MTMR6: variants seen among roughly 807,000 people sequenced by gnomAD.
The protein encoded by MTMR6 is myotubularin related protein 6, also known as phosphatidylinositol-3,5-bisphosphate 3-phosphatase MTMR6.
MTMR6 carries 47 observed loss-of-function variants against 80.1 expected under a neutral mutation model. The observed-to-expected ratio is 0.59, with a 90% CI of 0.46 to 0.75. MTMR6 has a LOEUF of 0.75. Ranked by LOEUF, MTMR6 falls within the 30% of genes least tolerant of loss-of-function variation. The probability of loss-of-function intolerance (pLI) is 0.00; values close to 1 mark genes in which losing one functional copy is unlikely to be tolerated. For synonymous variants in MTMR6, 254 were observed against 253.0 expected (o/e 1.00, Z -0.04); for missense variants, 629 against 730.9 (o/e 0.86, Z 1.61).
intron 8 of MTMR6, 62 bp from the exon 9 acceptor site, chr13:25,257,383 A>C: frequency 1.3e-6 from 2 of 1,571,958 alleles, no homozygotes; most frequent in South Asian, 2.3e-5. Context: ...ATTCTACTTG[A>C]AAATCATACT....
intron 2 of MTMR6, 63 bp from the exon 3 acceptor site, chr13:25,268,004 T>A: frequency 6.9e-7 from 1 of 1,443,428 alleles, no homozygotes; most frequent in Non-Finnish European, 9.3e-7. Flanking sequence ...TCTTCTAGAA[T>A]GCATAAGTTT....
At chr13:25,263,442 A>G (rs1034910709) in intron 5 of MTMR6, among the ~76,000 whole-genome samples, 1 of 152,216 alleles carries the variant, frequency 6.6e-6, no homozygotes, top group Non-Finnish European at 1.5e-5. Context: ...CCCTATACTC[A>G]CAAAGACTAG....
At chr13:25,279,919 A>G (rs1957809287) in intron 1 of MTMR6, among the ~76,000 whole-genome samples, 1 of 152,320 alleles carries the variant, frequency 6.6e-6, no homozygotes, top group African/African-American at 2.4e-5. Flanking sequence ...ACAGTAGTCC[A>G]TTAGGAAATA....
chr13:25,250,951 C>A (rs1046702215), intron 13 of MTMR6, among the ~76,000 whole-genome samples: 1 of 152,076 alleles, frequency 6.6e-6, no homozygotes, highest in African/African-American at 2.4e-5. Context: ...AATTGTGATA[C>A]ATGGGTGAAG....
intron 6 of MTMR6, among the ~76,000 whole-genome samples, chr13:25,260,350 TACAG>T (rs1272623616): frequency 1.3e-5 from 2 of 152,014 alleles, no homozygotes; most frequent in Non-Finnish European, 2.9e-5. Flanking sequence ...GTATTTTTAG[TACAG>T]ACAGAGTTTC....
Position 25,287,259 on chromosome 13 carries a change from G to C in MTMR6, c.-12C>G. The C allele has an allele frequency of 1.3e-6, 2 of 1,591,158 alleles. No individual in the cohort carries two copies. Among genetic ancestry groups the C allele is most frequent in the Non-Finnish European group, 1.7e-6 (2 of 1,171,612 alleles). On this transcript the variant is annotated 5_prime_UTR_variant, in exon 1 of 14. Coordinates refer to ENST00000381801, the MANE Select transcript of MTMR6 (RefSeq NM_004685.5). ...CGGATATGCTCCATCGCAAGGAGAC[G>C]TCAGCCGGCAGCCGGTCTCACAGGC... is the stretch of plus-strand genomic sequence containing the variant.
At position 25,248,907 on chromosome 13, in the gene MTMR6, G is replaced by A. The variant is rs889322158; in HGVS notation, c.*325C>T. 1.4e-5 allele frequency: 3 copies of A among 208,968 alleles called. No individual in the cohort carries two copies. The highest frequency in any genetic ancestry group is 6.9e-5 in the African/African-American group (3 of 43,578). The allele number at this position is 208,968 out of a possible 1,614,324, so 12.9% of individuals were successfully genotyped here. A position where few individuals can be genotyped will look rare whatever the true frequency, so the allele number is the denominator to read the frequency against. ...AATTTTGTTTTCTTGAAGTTAAATT[G>A]TACTTAAGGAAGGTTATTTATGTTT... On this transcript the variant is annotated 3_prime_UTR_variant, in exon 14 of 14. Transcript: ENST00000381801.
intron 1 of MTMR6, among the ~76,000 whole-genome samples, chr13:25,278,763 T>C (rs1283167483): frequency 6.9e-6 from 1 of 145,114 alleles, no homozygotes; most frequent in Non-Finnish European, 1.5e-5. Context: ...TGCACACCTG[T>C]AATCCCAGCT....
chr13:25,249,567 C>T (rs1957043673), intron 13 of MTMR6, 75 bp from the exon 14 acceptor site: 15 of 1,444,058 alleles, frequency 1.0e-5, no homozygotes, highest in Non-Finnish European at 1.4e-5. Flanking sequence ...AGAAAACATG[C>T]TTTTGCAAAA....
At position 25,284,576 on chromosome 13, in the gene MTMR6, C is replaced by T. The variant is rs146824388; in HGVS notation, c.24+2648G>A. Among the ~76,000 whole-genome samples, 348 of 152,270 alleles carry T rather than the reference C, an allele frequency of 2.3e-3. 3 individuals are homozygous for T. Among genetic ancestry groups the T allele is most frequent in the African/African-American group, 6.5e-3 (271 of 41,546 alleles). ...CTAAATAGTCATAAAGGACACTCTA[C>T]GGTCAATTTTGATCCTAATGACTAA... On this transcript the variant is annotated intron_variant, in intron 1 of 13. Coordinates refer to ENST00000381801, the MANE Select transcript of MTMR6 (RefSeq NM_004685.5).
chr13:25,249,694 G>A (rs1449680375), intron 13 of MTMR6, among the ~76,000 whole-genome samples: 1 of 152,086 alleles, frequency 6.6e-6, no homozygotes, highest in Non-Finnish European at 1.5e-5. Flanking sequence ...AAAATTGTTA[G>A]TTTTTATATT....
Position 25,253,974 on chromosome 13 carries a change from C to G in MTMR6, c.1146-10G>C. ...ATCCAACTGGCCACACCTAACCCCA[C>G]AGAAAGTATAAGCTTTTAAAAACAC... On this transcript the variant is annotated splice_polypyrimidine_tract_variant and intron_variant, in intron 10 of 13. Transcript: ENST00000381801. 5 of 1,613,726 alleles carry G rather than the reference C, an allele frequency of 3.1e-6. No individual in the cohort carries two copies. Among genetic ancestry groups the G allele is most frequent in the Non-Finnish European group, 4.2e-6 (5 of 1,179,694 alleles).
At position 25,262,900 on chromosome 13, in the gene MTMR6, C is replaced by G. The variant is rs149593602; in HGVS notation, c.592-1098G>C. 5.9e-3 allele frequency among the ~76,000 whole-genome samples: 905 copies of G among 152,332 alleles called. 13 individuals are homozygous for G. The highest frequency in any genetic ancestry group is 0.021 in the African/African-American group (866 of 41,564). Reference sequence around the variant, plus strand: ...CACAGAATAACTATTTTCAGCCCAACTTTCCAATAAACAATGTTTACACAT... The same window carrying G: ...CACAGAATAACTATTTTCAGCCCAAGTTTCCAATAAACAATGTTTACACAT... On this transcript the variant is annotated intron_variant, in intron 5 of 13. Coordinates refer to ENST00000381801, the MANE Select transcript of MTMR6 (RefSeq NM_004685.5).
At chr13:25,281,425 GGAAGA>G (rs549785652) in intron 1 of MTMR6, among the ~76,000 whole-genome samples, 127 of 150,132 alleles carry the variant, frequency 8.5e-4, no homozygotes, top group Non-Finnish European at 8.2e-4. Flanking sequence ...AGGAAGGAAA[GGAAGA>G]GAAAAGAAAA....
In MTMR6 at chr13:25,274,963, C is replaced by T. The variant is rs868164013; in HGVS notation, c.25-776G>A. 1.9e-3 allele frequency among the ~76,000 whole-genome samples: 215 copies of T among 111,000 alleles called. 2 individuals are homozygous for T. The highest frequency in any genetic ancestry group is 7.5e-3 in the African/African-American group (204 of 27,104). The allele number at this position is 111,000 out of a possible 152,430, so 72.8% of individuals were successfully genotyped here. A position where few individuals can be genotyped will look rare whatever the true frequency, so the allele number is the denominator to read the frequency against. Reference sequence around the variant, plus strand: ...AGACACACACACACACACACACATACACACACACACACACACACACACACA... The same window carrying T: ...AGACACACACACACACACACACATATACACACACACACACACACACACACA... On this transcript the variant is annotated intron_variant, in intron 1 of 13. Transcript: ENST00000381801.
chr13:25,268,070 G>A lies in MTMR6; in HGVS notation c.142-129C>T, dbSNP rs78534133. The A allele has an allele frequency of 2.5e-3, 2,118 of 860,682 alleles. 16 individuals are homozygous for A. The highest frequency in any genetic ancestry group is 1.9e-3 in the Non-Finnish European group (1,147 of 589,196). The allele number at this position is 860,682 out of a possible 1,614,324, so 53.3% of individuals were successfully genotyped here. A position where few individuals can be genotyped will look rare whatever the true frequency, so the allele number is the denominator to read the frequency against. On this transcript the variant is annotated intron_variant, in intron 2 of 13. Coordinates refer to ENST00000381801, the MANE Select transcript of MTMR6 (RefSeq NM_004685.5). Reference sequence around the variant, plus strand: ...TGTTACATACTCACTCAAACTTCACGTTTTTAAAATGACTGAATGCCCAAG... The same window carrying A: ...TGTTACATACTCACTCAAACTTCACATTTTTAAAATGACTGAATGCCCAAG...
chr13:25,281,523 C>A (rs1015261854), intron 1 of MTMR6, among the ~76,000 whole-genome samples: 8 of 82,262 alleles, frequency 9.7e-5, no homozygotes, highest in Non-Finnish European at 2.8e-4. Context: ...ACCTCTTTAT[C>A]CCTGAGGAAA....
At chr13:25,250,502 T>G (rs1957061586) in intron 13 of MTMR6, among the ~76,000 whole-genome samples, 1 of 151,926 alleles carries the variant, frequency 6.6e-6, no homozygotes, top group Admixed American at 6.6e-5. Context: ...AACAGAAAAA[T>G]GAGCAAAGGT....
At position 25,274,255 on chromosome 13, in the gene MTMR6, A is replaced by C. The variant is rs1957654858; in HGVS notation, c.25-68T>G. 6.3e-6 allele frequency: 6 copies of C among 958,468 alleles called. No individual in the cohort carries two copies. In the South Asian group the frequency reaches 9.4e-5, roughly 15 times the overall value. The allele number at this position is 958,468 out of a possible 1,614,324, so 59.4% of individuals were successfully genotyped here. On this transcript the variant is annotated intron_variant, in intron 1 of 13. Coordinates refer to ENST00000381801, the MANE Select transcript of MTMR6 (RefSeq NM_004685.5). ...TAAATTATTTTTCTGTTAGCCCAGGACTTACATGCAACATTCTCAATTTTT... is the reference window on the plus strand; with the variant it reads ...TAAATTATTTTTCTGTTAGCCCAGGCCTTACATGCAACATTCTCAATTTTT...
Sources: gnomAD v4.1 joint callset for allele counts (sites outside exome capture counted in the v4.1 genomes callset) on GRCh38, gnomAD v4.1.1 for gene constraint, MANE v1.5 for transcripts, NCBI Gene and HGNC (gene_info 2026-07-23, HGNC 2026-07-21) for gene names.